The following SRGAP1 variants were observed in gnomAD, a reference collection of about 807,000 sequenced individuals.
SRGAP1 encodes SLIT-ROBO Rho GTPase activating protein 1.
Under a neutral mutation model 121.9 loss-of-function variants are expected in SRGAP1, and 43 were observed. The ratio of observed to expected loss-of-function variants is 0.35; its 90% confidence interval spans 0.28 to 0.46. The LOEUF is 0.46. SRGAP1 is among the 20% of genes least tolerant of loss of function. The pLI is 1.00. For missense variants in SRGAP1, 1,102 were observed against 1,350.9 expected, an observed-to-expected ratio of 0.82 and a Z score of 2.89; for synonymous variants, 447 against 485.4, an observed-to-expected ratio of 0.92 and a Z score of 1.04.
intron 1 of SRGAP1, among the ~76,000 whole-genome samples, chr12:63,859,367 A>G (rs911930371): frequency 3.3e-5 from 5 of 152,000 alleles, no homozygotes; most frequent in Admixed American, 2.6e-4. Context: ...GGGTTTCACC[A>G]TGTTGAACAG....
At chr12:63,935,028 T>C (rs1464599251) in intron 1 of SRGAP1, among the ~76,000 whole-genome samples, 1 of 152,202 alleles carries the variant, frequency 6.6e-6, no homozygotes, top group Non-Finnish European at 1.5e-5. Context: ...AGTCTTAATT[T>C]CCCATAGACC....
At chr12:64,098,193 G>T (rs1472075363) in intron 15 of SRGAP1, among the ~76,000 whole-genome samples, 1 of 151,622 alleles carries the variant, frequency 6.6e-6, no homozygotes, top group Non-Finnish European at 1.5e-5. Context: ...CTATTGATCT[G>T]CCCTCAAAAA....
chr12:64,073,635 AATGTAAATGCT>A lies in SRGAP1; in HGVS notation c.1126-5275_1126-5265del, dbSNP rs2035681453. Among the ~76,000 whole-genome samples, 3 of 152,188 alleles carry A rather than the reference AATGTAAATGCT, an allele frequency of 2.0e-5. No homozygotes were observed. The South Asian group carries it at 6.2e-4, about 32-fold the overall frequency. ...CTAGATTACTTATAATATCTAAAAC[AATGTAAATGCT>A]ATGTAAATAGTTATACTGGGTTTTG... is the stretch of plus-strand genomic sequence containing the variant. On this transcript the variant is annotated intron_variant, in intron 8 of 21. Transcript: ENST00000355086.
rs1007356977 is a variant in SRGAP1 at position 64,153,329 on chromosome 12, C to G, written c.*10657C>G. On this transcript the variant is annotated 3_prime_UTR_variant, in exon 22 of 22. Transcript: ENST00000355086. ...CCAAAGTAAGGTACTTAAAATTAGC[C>G]GGGCTTGGTGGTGCACAACTGTAAT... is the stretch of plus-strand genomic sequence containing the variant. 6.6e-6 allele frequency: 1 copy of G among 151,932 alleles called. No individual in the cohort carries two copies. The highest frequency in any genetic ancestry group is 1.5e-5 in the Non-Finnish European group (1 of 68,020). The allele number at this position is 151,932 out of a possible 1,614,324, so 9.4% of individuals were successfully genotyped here. A position where few individuals can be genotyped will look rare whatever the true frequency, so the allele number is the denominator to read the frequency against.
chr12:63,975,568 A>G (rs1408072792), intron 1 of SRGAP1, among the ~76,000 whole-genome samples: 1 of 152,156 alleles, frequency 6.6e-6, no homozygotes, highest in African/African-American at 2.4e-5. Context: ...TAATATACAG[A>G]TGATTGAGAC....
At chr12:63,917,200 C>T (rs995211044) in intron 1 of SRGAP1, among the ~76,000 whole-genome samples, 1 of 152,098 alleles carries the variant, frequency 6.6e-6, no homozygotes, top group African/African-American at 2.4e-5. Flanking sequence ...TAAATACTGC[C>T]TGATACATAG....
At chr12:63,999,259 A>G (rs2033806443) in intron 3 of SRGAP1, among the ~76,000 whole-genome samples, 1 of 152,204 alleles carries the variant, frequency 6.6e-6, no homozygotes, top group Non-Finnish European at 1.5e-5. Flanking sequence ...TTGGAGAAAT[A>G]AGGAGTTGAA....
At chr12:64,047,685 A>G (rs893441431) in intron 6 of SRGAP1, among the ~76,000 whole-genome samples, 17 of 152,144 alleles carry the variant, frequency 1.1e-4, no homozygotes, top group Non-Finnish European at 8.8e-5. Flanking sequence ...TCTTTTTTCT[A>G]ACAAAGTTTC....
chr12:64,138,563 C>G (rs1256618536), intron 21 of SRGAP1, among the ~76,000 whole-genome samples: 3 of 148,550 alleles, frequency 2.0e-5, no homozygotes, highest in Non-Finnish European at 4.4e-5. Context: ...TGGGTTCAAG[C>G]AATTCTCCTG....
chr12:63,856,884 G>A (rs1899269823), intron 1 of SRGAP1, among the ~76,000 whole-genome samples: 1 of 152,102 alleles, frequency 6.6e-6, no homozygotes, highest in Admixed American at 6.6e-5. Context: ...GGAAGAATTG[G>A]CATCTATATA....
At chr12:64,009,085 A>G (rs1330695485) in intron 3 of SRGAP1, among the ~76,000 whole-genome samples, 2 of 152,178 alleles carry the variant, frequency 1.3e-5, no homozygotes, top group African/African-American at 4.8e-5. Flanking sequence ...TTCATGCACT[A>G]AAGAAGACAT....
chr12:63,919,501 T>C (rs781088880), intron 1 of SRGAP1, among the ~76,000 whole-genome samples: 23 of 63,596 alleles, frequency 3.6e-4, no homozygotes, highest in Non-Finnish European at 6.4e-4. Context: ...TAACATTACA[T>C]ATATATATAT....
intron 3 of SRGAP1, 35 bp downstream of exon 3, chr12:63,990,107 C>T: frequency 1.3e-6 from 2 of 1,524,732 alleles, no homozygotes; most frequent in Non-Finnish European, 1.8e-6. Context: ...GTGTGCTTTC[C>T]AATAACTGCC....
At chr12:63,950,106 C>G (rs2032240134) in intron 1 of SRGAP1, among the ~76,000 whole-genome samples, 1 of 152,150 alleles carries the variant, frequency 6.6e-6, no homozygotes, top group Non-Finnish European at 1.5e-5. Flanking sequence ...GAACTTGGCT[C>G]TCAATCCTGT....
At chr12:63,889,625 T>A (rs1900509361) in intron 1 of SRGAP1, among the ~76,000 whole-genome samples, 1 of 151,886 alleles carries the variant, frequency 6.6e-6, no homozygotes, top group Non-Finnish European at 1.5e-5. Context: ...TAAAAAAAAA[T>A]CCGGCCGAGT....
At chr12:64,101,927 A>T (rs1396061368) in intron 15 of SRGAP1, among the ~76,000 whole-genome samples, 1 of 152,232 alleles carries the variant, frequency 6.6e-6, no homozygotes, top group African/African-American at 2.4e-5. Flanking sequence ...CACAAAACCA[A>T]CATGTAGTTA....
chr12:64,135,414 G>T (rs757852907), intron 21 of SRGAP1, among the ~76,000 whole-genome samples: 1 of 152,132 alleles, frequency 6.6e-6, no homozygotes, highest in African/African-American at 2.4e-5. Flanking sequence ...TTGAGGTTCA[G>T]TATCTGCTTC....
At position 64,126,118 on chromosome 12, in the gene SRGAP1, A is replaced by G; in HGVS notation, c.2366A>G (p.Asp789Gly). ...TGGGAAGGCAGGCACAACGGGATTG[A>G]CGGGCTGGTGCCTCACCAGTATATA... ...DWWEGRHNGI[D>G]GLVPHQYIVV... is the part of the protein sequence containing the mutation. The change falls in exon 19 of 22, where the codon GAC (aspartate) becomes GGC (glycine). Residue 789 changes from aspartate to glycine, a missense_variant. Asp to Gly is a moderately conservative substitution (Grantham distance 94, BLOSUM62 -1). Transcript: ENST00000355086. 6.2e-7 allele frequency: 1 copy of G among 1,614,172 alleles called. No homozygotes were observed. Among genetic ancestry groups the G allele is most frequent in the South Asian group, 1.1e-5 (1 of 91,084 alleles).
At chr12:64,130,433 T>A (rs1258443240) in intron 21 of SRGAP1, among the ~76,000 whole-genome samples, 1 of 152,176 alleles carries the variant, frequency 6.6e-6, no homozygotes, top group Admixed American at 6.5e-5. Flanking sequence ...TCACTAGGGA[T>A]AATGATGAAT....
Sources: allele counts gnomAD v4.1 joint callset (sites outside exome capture counted in the v4.1 genomes callset), GRCh38; gene constraint gnomAD v4.1.1; transcripts MANE v1.5; gene names NCBI Gene and HGNC (gene_info 2026-07-23, HGNC 2026-07-21).